The following CIITA variants were observed in gnomAD, a reference collection of about 807,000 sequenced individuals.
CIITA encodes the protein MHC class II transactivator.
CIITA carries 72 observed loss-of-function variants against 115.1 expected under a neutral mutation model. The ratio of observed to expected loss-of-function variants is 0.63; its 90% CI spans 0.52 to 0.76. The LOEUF is 0.76. Ranked by LOEUF, CIITA falls within the 30% of genes least tolerant of loss-of-function variation. The probability of loss-of-function intolerance (pLI) is 0.00; values close to 1 mark genes in which losing one functional copy is unlikely to be tolerated. For missense variants in CIITA, 1,617 were observed against 1,463.8 expected (o/e 1.10, Z -1.71); for synonymous variants, 763 against 635.6 (o/e 1.20, Z -3.02).
chr16:10,906,865 G>A lies in CIITA; in HGVS notation c.1373G>A (p.Arg458His), dbSNP rs770948154. 20 of 1,613,342 alleles carry A rather than the reference G, an allele frequency of 1.2e-5. No individual in the cohort carries two copies. The highest frequency in any genetic ancestry group is 1.6e-4 in the Middle Eastern group (1 of 6,084). The change falls in exon 11 of 20, where the codon CGT becomes CAT. Residue 458 changes from arginine to histidine, a missense_variant. Physicochemically the swap from Arg to His is conservative, Grantham distance 29. Coordinates refer to ENST00000324288, the MANE Select transcript of CIITA (RefSeq NM_000246.4). ...TCTGTCCCCTGCCATTGCTTGAACCGTCCGGGGGATGCCTATGGCCTGCAG... is the reference window on the plus strand; with the variant it reads ...TCTGTCCCCTGCCATTGCTTGAACCATCCGGGGGATGCCTATGGCCTGCAG... Reference protein sequence around the residue: ...VFSVPCHCLNRPGDAYGLQDL... With the variant: ...VFSVPCHCLNHPGDAYGLQDL...
chr16:10,907,864 G>A lies in CIITA; in HGVS notation c.2372G>A (p.Arg791Lys). The change falls in exon 11 of 20, where the codon AGG (arginine) becomes AAG (lysine). Residue 791 changes from arginine to lysine, a missense_variant. Arg to Lys is a conservative substitution (Grantham distance 26, BLOSUM62 2). Transcript: ENST00000324288. This position sits in a 1 kb window ranked among gnomAD's most constrained non-coding sequence, Gnocchi z 5.0. ...SVDRKQKVLA[R>K]YLKRLQPGTL... ...GACAGGAAGCAGAAGGTGCTTGCGA[G>A]GTACCTGAAGCGGCTGCAGCCGGGG... 6.2e-7 allele frequency: 1 copy of A among 1,609,848 alleles called. No individual in the cohort carries two copies. Among genetic ancestry groups the A allele is most frequent in the South Asian group, 1.1e-5 (1 of 90,744 alleles).
rs1433545949 is a variant in CIITA at position 10,909,245 on chromosome 16, A to G, written c.2816+58A>G. ...GCCATGCAGGTTGAGGACATGTAGGACCCATTCTCAAGTTTGTCATGGGCA... is the reference window on the plus strand; with the variant it reads ...GCCATGCAGGTTGAGGACATGTAGGGCCCATTCTCAAGTTTGTCATGGGCA... On this transcript the variant is annotated intron_variant, in intron 12 of 19. Coordinates refer to ENST00000324288, the MANE Select transcript of CIITA (RefSeq NM_000246.4). 8.9e-6 allele frequency: 14 copies of G among 1,573,728 alleles called. No individual in the cohort carries two copies. In the South Asian group the frequency reaches 1.2e-4, roughly 14 times the overall value.
chr16:10,878,818 G>GA (rs1411726857), intron 1 of CIITA, among the ~76,000 whole-genome samples: 1 of 152,246 alleles, frequency 6.6e-6, no homozygotes, highest in Non-Finnish European at 1.5e-5. Flanking sequence ...AGGCAGTTGG[G>GA]ATGCCACTTC....
intron 10 of CIITA, among the ~76,000 whole-genome samples, chr16:10,905,446 G>C (rs1418733835): frequency 1.3e-5 from 2 of 152,152 alleles, no homozygotes; most frequent in Non-Finnish European, 1.5e-5. Flanking sequence ...CGAAGAAAAA[G>C]CTTAGTGAGT....
Position 10,901,612 on chromosome 16 carries a change from A to G in CIITA, c.481+54A>G, listed in dbSNP as rs1215596504. 1 of 1,568,804 alleles carries G rather than the reference A, an allele frequency of 6.4e-7. No homozygotes were observed. Among genetic ancestry groups the G allele is most frequent in the Non-Finnish European group, 8.7e-7 (1 of 1,144,028 alleles). On this transcript the variant is annotated intron_variant, in intron 6 of 19. Coordinates refer to ENST00000324288, the MANE Select transcript of CIITA (RefSeq NM_000246.4). This position sits in a 1 kb window ranked among gnomAD's most constrained non-coding sequence, Gnocchi z 6.8. ...GAAGGGTGGATGCCTTGGGGAGGGG[A>G]TGGAAGAGATTGAACTCCTGGCCCA...
upstream of CIITA, among the ~76,000 whole-genome samples, chr16:10,875,010 C>A (rs1327939585): frequency 6.6e-6 from 1 of 152,018 alleles, no homozygotes; most frequent in Non-Finnish European, 1.5e-5. Context: ...ACTCTGTCAC[C>A]CACGCTTGAG....
intron 16 of CIITA, among the ~76,000 whole-genome samples, chr16:10,919,684 T>C (rs1239582234): frequency 6.6e-6 from 1 of 152,192 alleles, no homozygotes; most frequent in Non-Finnish European, 1.5e-5. Flanking sequence ...CTTCCCAGCA[T>C]GATCACTGTT....
At chr16:10,873,351 T>C (rs1352446876), upstream of CIITA, among the ~76,000 whole-genome samples, 1 of 152,230 alleles carries the variant, frequency 6.6e-6, no homozygotes, top group African/African-American at 2.4e-5. Context: ...TTAACAGATG[T>C]ATGATCTAAT....
In CIITA at chr16:10,926,739, C is replaced by G. The variant is rs531415251; in HGVS notation, c.*2884C>G. The stretch of plus-strand genomic sequence containing the variant: ...TATTTTTAGTAGAGATGGAGTTTCA[C>G]CATGTTGGCCAGGCTGGTAATCTGC... On this transcript the variant is annotated 3_prime_UTR_variant, in exon 20 of 20. Transcript: ENST00000324288. 13 of 152,276 alleles carry G rather than the reference C, an allele frequency of 8.5e-5. No homozygotes were observed. The highest frequency in any genetic ancestry group is 3.1e-4 in the African/African-American group (13 of 41,554). The allele number at this position is 152,276 out of a possible 1,614,324, so 9.4% of individuals were successfully genotyped here.
At position 10,935,693 on chromosome 16, in the gene CIITA, T is replaced by C. The variant is rs529171573; in HGVS notation, c.*11838T>C. 3 of 152,324 alleles carry C rather than the reference T, an allele frequency of 2.0e-5. No homozygotes were observed. The East Asian group carries it at 5.8e-4, about 29-fold the overall frequency. 9.4% of individuals were successfully genotyped at this position (152,324 alleles called of 1,614,324 possible). ...CGCCAGAAAGGGGACAGATGGCATG[T>C]GCCTCTCGATAAGATGCACTGAAGA... On this transcript the variant is annotated 3_prime_UTR_variant, in exon 20 of 20. Coordinates refer to ENST00000324288, the MANE Select transcript of CIITA (RefSeq NM_000246.4).
rs531413126 is a variant in CIITA at position 10,921,120 on chromosome 16, G to A, written c.3150-1047G>A. Among the ~76,000 whole-genome samples, 5 of 152,262 alleles carry A rather than the reference G, an allele frequency of 3.3e-5. No individual in the cohort carries two copies. The East Asian group carries it at 7.7e-4, about 23-fold the overall frequency. ...CGACCTTAGGTGATCCACCCGCCTC[G>A]GCCTCCAAAGTGTTAGGATTACAGG... On this transcript the variant is annotated intron_variant, in intron 16 of 19. Coordinates refer to ENST00000324288, the MANE Select transcript of CIITA (RefSeq NM_000246.4).
rs1186865566 is a variant in CIITA, at chr16:10,902,126, G to A, written c.570G>A (p.Leu190=). The A allele has an allele frequency of 1.2e-6, 2 of 1,614,194 alleles. No homozygotes were observed. Among genetic ancestry groups the A allele is most frequent in the Non-Finnish European group, 1.7e-6 (2 of 1,180,028 alleles). ...STLPCLPLPA[L]FNQEPASGQM... ...TGCCCTGCCTGCCACTGCCTGCGCT[G>A]TTCAACCAGGAGCCAGCCTCCGGCC... The change falls in exon 7 of 20, where the codon CTG becomes CTA. Residue 190 remains leucine, a synonymous_variant. Transcript: ENST00000324288.
chr16:10,912,787 G>C (rs11647308), intron 13 of CIITA, among the ~76,000 whole-genome samples: 5,708 of 152,308 alleles, frequency 0.037, 153 homozygotes, highest in Non-Finnish European at 0.052. Flanking sequence ...GGGGAACAGC[G>C]GCCATGGGGT....
intron 3 of CIITA, 108 bp downstream of exon 3, chr16:10,895,872 G>T (rs1011255983): frequency 3.0e-5 from 32 of 1,076,286 alleles, no homozygotes; most frequent in Middle Eastern, 2.0e-4. Flanking sequence ...CCCTCCCACA[G>T]AAATCATTGC....
At position 10,941,714 on chromosome 16, in the gene CIITA, G is replaced by C; in HGVS notation, n.840G>C. ...TAGGGAAGAGGGGAACAGCAGTCGA[G>C]ACCCTACTCCAAGTACGCATCAAAG... On this transcript the variant is annotated non_coding_transcript_exon_variant, in exon 2 of 2. Coordinates refer to the CIITA transcript ENST00000573379. This position sits in a 1 kb window ranked among gnomAD's most constrained non-coding sequence, Gnocchi z 6.4. 4 of 1,603,968 alleles carry C rather than the reference G, an allele frequency of 2.5e-6. No individual in the cohort carries two copies. The highest frequency in any genetic ancestry group is 3.4e-6 in the Non-Finnish European group (4 of 1,174,564).
At chr16:10,882,305 G>A (rs2036509295) in intron 1 of CIITA, among the ~76,000 whole-genome samples, 2 of 152,244 alleles carry the variant, frequency 1.3e-5, no homozygotes, top group Non-Finnish European at 2.9e-5. Flanking sequence ...AATGCCTGCA[G>A]TTTGGGAAAC....
At position 10,867,326 on chromosome 16, in the gene CIITA, G is replaced by GGGT. The variant is rs1161033722; in HGVS notation, c.-21+1009_-21+1010insTGG. Among the ~76,000 whole-genome samples, 6 of 151,562 alleles carry GGGT rather than the reference G, an allele frequency of 4.0e-5. No homozygotes were observed. The East Asian group carries it at 1.2e-3, about 29-fold the overall frequency. On this transcript the variant is annotated intron_variant, in intron 1 of 5. Coordinates refer to the CIITA transcript ENST00000636238. ...AAGCAGAGCCCACTGTGTGTGTTGGGGGGGGGCATGTGTGCGTTTGCATGC... is the reference window on the plus strand; with the variant it reads ...AAGCAGAGCCCACTGTGTGTGTTGGGGGTGGGGGGCATGTGTGCGTTTGCATGC...
At chr16:10,897,328 T>C (rs1274230194) in intron 3 of CIITA, among the ~76,000 whole-genome samples, 1 of 152,126 alleles carries the variant, frequency 6.6e-6, no homozygotes, top group Non-Finnish European at 1.5e-5. Flanking sequence ...CCTCTTCTCA[T>C]AAAACCACTA....
intron 16 of CIITA, among the ~76,000 whole-genome samples, chr16:10,919,086 A>T (rs1201099567): frequency 6.6e-6 from 1 of 152,236 alleles, no homozygotes; most frequent in Non-Finnish European, 1.5e-5. Flanking sequence ...CCAGACTGAG[A>T]GAAACTGCTC....
Sources: gnomAD v4.1 joint callset for allele counts (sites outside exome capture counted in the v4.1 genomes callset) on GRCh38, gnomAD v4.1.1 for gene constraint, Gnocchi (gnomAD v3.1) non-coding constraint, MANE v1.5 for transcripts, NCBI Gene and HGNC (gene_info 2026-07-23, HGNC 2026-07-21) for gene names.